The following MAP4 variants were observed in gnomAD, a reference collection of about 807,000 sequenced individuals.
MAP4 encodes the protein microtubule-associated protein 4.
Under a neutral mutation model 170.2 loss-of-function variants are expected in MAP4, and 76 were observed. The ratio of observed to expected loss-of-function variants is 0.45; its 90% confidence interval spans 0.37 to 0.54. The LOEUF is 0.54. Ranked by LOEUF, MAP4 falls within the 20% of genes least tolerant of loss-of-function variation. The pLI is 0.00. For missense variants in MAP4, 2,506 were observed against 2,748.0 expected (o/e 0.91, Z 1.97); for synonymous variants, 909 against 994.5 (o/e 0.91, Z 1.62).
intron 3 of MAP4, among the ~76,000 whole-genome samples, chr3:47,938,830 T>C (rs982747520): frequency 3.9e-5 from 6 of 152,208 alleles, no homozygotes; most frequent in Non-Finnish European, 7.3e-5. Flanking sequence ...ATTCTTCAAG[T>C]CACATCCTAT....
chr3:48,069,653 C>T (rs2100140023), intron 1 of MAP4, among the ~76,000 whole-genome samples: 1 of 152,172 alleles, frequency 6.6e-6, no homozygotes, highest in Non-Finnish European at 1.5e-5. Flanking sequence ...CAAAGTTATT[C>T]AGAATATCTT....
chr3:47,992,724 C>A (rs374603304), intron 2 of MAP4, among the ~76,000 whole-genome samples: 10 of 151,720 alleles, frequency 6.6e-5, no homozygotes, highest in African/African-American at 2.4e-4. Context: ...ACCAATATGG[C>A]GAAACCCCAT....
chr3:47,906,334 T>C (rs1254604458), intron 9 of MAP4, among the ~76,000 whole-genome samples: 1 of 152,112 alleles, frequency 6.6e-6, no homozygotes. Flanking sequence ...AAAGATAGTT[T>C]ATGTACCATA....
intron 3 of MAP4, among the ~76,000 whole-genome samples, chr3:47,969,128 C>A (rs544970643): frequency 6.6e-6 from 1 of 152,352 alleles, no homozygotes; most frequent in East Asian, 1.9e-4. Flanking sequence ...TAGCACCTGG[C>A]TAGGTGCAGT....
intron 1 of MAP4, among the ~76,000 whole-genome samples, chr3:48,061,229 C>A (rs1165581501): frequency 2.6e-5 from 4 of 151,184 alleles, no homozygotes; most frequent in East Asian, 2.0e-4. Context: ...TCCACGGTCT[C>A]CCTCTGATGC....
At chr3:48,025,306 T>C (rs184627887) in intron 1 of MAP4, among the ~76,000 whole-genome samples, 58 of 151,794 alleles carry the variant, frequency 3.8e-4, no homozygotes, top group Non-Finnish European at 5.9e-5. Flanking sequence ...TTTTTTTTTT[T>C]TTTTGAGACA....
chr3:48,061,880 T>TG (rs1393867159), intron 1 of MAP4, among the ~76,000 whole-genome samples: 4 of 114,878 alleles, frequency 3.5e-5, no homozygotes, highest in Admixed American at 2.5e-4. Context: ...GTCCGGGAGG[T>TG]GGGGGGCGCC....
chr3:47,893,905 G>A (rs1008183879), intron 10 of MAP4, among the ~76,000 whole-genome samples: 4 of 152,058 alleles, frequency 2.6e-5, no homozygotes, highest in African/African-American at 7.2e-5. Flanking sequence ...GTCCGCATAG[G>A]AAAGCTTGCT....
At chr3:48,031,085 T>C (rs1177847573) in intron 1 of MAP4, among the ~76,000 whole-genome samples, 1 of 152,066 alleles carries the variant, frequency 6.6e-6, no homozygotes, top group Admixed American at 6.6e-5. Flanking sequence ...TGACAAATAC[T>C]ACCTAAGCCA....
intron 1 of MAP4, among the ~76,000 whole-genome samples, chr3:48,075,784 G>A (rs2100143541): frequency 6.6e-6 from 1 of 151,348 alleles, no homozygotes; most frequent in Non-Finnish European, 1.5e-5. Flanking sequence ...GACCAGCCTG[G>A]CCAACATGGT....
chr3:47,972,299 T>C (rs990471190), intron 3 of MAP4, among the ~76,000 whole-genome samples: 1 of 152,228 alleles, frequency 6.6e-6, no homozygotes, highest in Non-Finnish European at 1.5e-5. Flanking sequence ...AGTTATCAAA[T>C]TAAATGTTAC....
intron 5 of MAP4, 119 bp from the exon 6 acceptor site, chr3:47,918,960 G>C: frequency 2.6e-6 from 2 of 768,078 alleles, no homozygotes; most frequent in Non-Finnish European, 2.0e-6. Flanking sequence ...ACAGAGTTTC[G>C]CTCTGTTGCC....
intron 10 of MAP4, among the ~76,000 whole-genome samples, chr3:47,886,582 C>T (rs2097638371): frequency 6.6e-6 from 1 of 152,230 alleles, no homozygotes; most frequent in Non-Finnish European, 1.5e-5. Flanking sequence ...AGATTACAGG[C>T]ATGAGCCACC....
Position 47,911,370 on chromosome 3 carries a change from T to C in MAP4, c.3051A>G (p.Lys1017=), listed in dbSNP as rs1438831979. The C allele has an allele frequency of 1.2e-5, 19 of 1,536,016 alleles. No homozygotes were observed. The highest frequency in any genetic ancestry group is 1.6e-5 in the Non-Finnish European group (18 of 1,146,886). Residue 1017 remains lysine, a synonymous_variant, in exon 9 of 21, where the codon AAA becomes AAG. Transcript: ENST00000683076. This position sits in a 1 kb window ranked among gnomAD's most constrained non-coding sequence, Gnocchi z 4.0. The part of the protein sequence containing the change: ...PEGAEEDKEL[K]KEAFPNERQE... ...GTCTTTCGTTGGGAAAAGCTTCCTTTTTTAGTTCTTTATCCTCTTCAGCTC... is the reference window on the plus strand; with the variant it reads ...GTCTTTCGTTGGGAAAAGCTTCCTTCTTTAGTTCTTTATCCTCTTCAGCTC...
rs199523645 is a variant in MAP4, at chr3:48,062,925, C to CA, written c.-20+25847dup. On this transcript the variant is annotated intron_variant, in intron 1 of 18. Transcript: ENST00000360240. Reference sequence around the variant, plus strand: ...AGGCAACAAGAGTGAAACTCTGTCTCAAAAAAAAAAAAAAGAAAGAAAATG... The same window carrying CA: ...AGGCAACAAGAGTGAAACTCTGTCTCAAAAAAAAAAAAAAAGAAAGAAAATG... 6.1e-3 allele frequency among the ~76,000 whole-genome samples: 706 copies of CA among 116,410 alleles called. 5 individuals carry two copies. Among genetic ancestry groups the CA allele is most frequent in the African/African-American group, 0.018 (549 of 30,510 alleles). 76.4% of individuals were successfully genotyped at this position (116,410 alleles called of 152,430 possible). A position where few individuals can be genotyped will look rare whatever the true frequency, so the allele number is the denominator to read the frequency against.
chr3:47,915,821 C>A (rs768109903), intron 7 of MAP4, 130 bp downstream of exon 7: 20 of 972,558 alleles, frequency 2.1e-5, no homozygotes, highest in Non-Finnish European at 2.8e-5. Context: ...TCTAGGAGAG[C>A]AGGAGTATGA....
intron 11 of MAP4, among the ~76,000 whole-genome samples, chr3:47,876,139 T>C (rs1211279401): frequency 3.3e-5 from 2 of 61,432 alleles, no homozygotes; most frequent in Non-Finnish European, 6.1e-5. Flanking sequence ...TTTCTTTCTT[T>C]TTTTTTTTTT....
intron 10 of MAP4, among the ~76,000 whole-genome samples, chr3:47,889,626 T>C (rs539519262): frequency 6.6e-6 from 1 of 152,382 alleles, no homozygotes; most frequent in East Asian, 1.9e-4. Flanking sequence ...AATTTTTTTC[T>C]ATTAGCACAA....
At chr3:47,969,122 ACCTGGCTAGGT>A (rs1016276987) in intron 3 of MAP4, among the ~76,000 whole-genome samples, 2 of 152,208 alleles carry the variant, frequency 1.3e-5, no homozygotes, top group Non-Finnish European at 2.9e-5. Context: ...AAGAATTAGC[ACCTGGCTAGGT>A]GCAGTGGCTC....
Sources: gnomAD v4.1 joint callset for allele counts (sites outside exome capture counted in the v4.1 genomes callset) on GRCh38, gnomAD v4.1.1 for gene constraint, Gnocchi (gnomAD v3.1) non-coding constraint, MANE v1.5 for transcripts, NCBI Gene and HGNC (gene_info 2026-07-23, HGNC 2026-07-21) for gene names.